GALNTL6: variants seen among roughly 807,000 people sequenced by gnomAD.
The protein encoded by GALNTL6 is polypeptide N-acetylgalactosaminyltransferase-like 6.
GALNTL6 carries 46 observed loss-of-function variants against 73.7 expected under a neutral mutation model. The observed-to-expected ratio is 0.62, with a 90% confidence interval of 0.49 to 0.80. The LOEUF (loss-of-function observed/expected upper bound fraction) is 0.80. Among genes scored for constraint, GALNTL6 ranks in the 30% least tolerant of loss-of-function variants. The probability of loss-of-function intolerance (pLI) is 0.00; values close to 1 mark genes in which losing one functional copy is unlikely to be tolerated. For missense variants in GALNTL6, 604 were observed against 755.0 expected (o/e 0.80, Z 2.34); for synonymous variants, 259 against 263.7 (o/e 0.98, Z 0.17).
intron 2 of GALNTL6, among the ~76,000 whole-genome samples, chr4:172,009,606 T>G (rs1383185868): frequency 1.3e-5 from 2 of 152,132 alleles, no homozygotes; most frequent in Non-Finnish European, 2.9e-5. Flanking sequence ...ATAAATCATC[T>G]TGAATTCCGA....
intron 5 of GALNTL6, among the ~76,000 whole-genome samples, chr4:172,522,393 C>T (rs1051655732): frequency 6.6e-6 from 1 of 151,918 alleles, no homozygotes; most frequent in Non-Finnish European, 1.5e-5. Flanking sequence ...TATTTTAGGC[C>T]GGGCTTGTGG....
chr4:172,876,626 C>T lies in GALNTL6; in HGVS notation c.924-6164C>T, dbSNP rs562642271. On this transcript the variant is annotated intron_variant, in intron 7 of 12. Transcript: ENST00000506823. ...CTAGAGTGATCATCTCCTTGCATAC[C>T]AGGAGAATAGTCCTCTCTTATCCCC... Among the ~76,000 whole-genome samples the T allele has an allele frequency of 3.6e-4, 55 of 152,196 alleles. 1 individual carries two copies. The South Asian group carries it at 7.9e-3, about 22-fold the overall frequency.
At chr4:172,233,754 C>T (rs1737150665) in intron 3 of GALNTL6, among the ~76,000 whole-genome samples, 1 of 151,996 alleles carries the variant, frequency 6.6e-6, no homozygotes, top group Admixed American at 6.6e-5. Context: ...ACATTGTACT[C>T]TTCCTTAAAA....
intron 9 of GALNTL6, among the ~76,000 whole-genome samples, chr4:172,936,558 A>G (rs964244971): frequency 6.6e-6 from 1 of 152,252 alleles, no homozygotes; most frequent in Non-Finnish European, 1.5e-5. Flanking sequence ...TTAAGCTGAT[A>G]GGAAACTTTA....
chr4:172,207,085 G>A (rs138657130), intron 2 of GALNTL6, among the ~76,000 whole-genome samples: 1,959 of 151,934 alleles, frequency 0.013, 16 homozygotes, highest in Middle Eastern at 0.027. Flanking sequence ...CCAAAGTGCT[G>A]GGATTACAGG....
At chr4:172,756,441 TG>T (rs33938528) in intron 5 of GALNTL6, among the ~76,000 whole-genome samples, 54,218 of 151,866 alleles carry the variant, frequency 0.36, 10,676 homozygotes, top group African/African-American at 0.51. Flanking sequence ...GTCAGGAGTT[TG>T]AGACCAGCCT....
At chr4:171,955,884 C>T (rs1739030188) in intron 2 of GALNTL6, among the ~76,000 whole-genome samples, 1 of 152,020 alleles carries the variant, frequency 6.6e-6, no homozygotes, top group Non-Finnish European at 1.5e-5. Flanking sequence ...TGAAGCTTTT[C>T]CTTATGCAAT....
chr4:172,924,284 G>T (rs145366396), intron 8 of GALNTL6, among the ~76,000 whole-genome samples: 1 of 152,170 alleles, frequency 6.6e-6, no homozygotes, highest in Non-Finnish European at 1.5e-5. Context: ...GTTTGAACTG[G>T]CCAAAACCTT....
chr4:172,270,583 A>G (rs753761404), intron 3 of GALNTL6, among the ~76,000 whole-genome samples: 19 of 152,168 alleles, frequency 1.2e-4, no homozygotes, highest in Admixed American at 3.9e-4. Flanking sequence ...CTGCCCTGAC[A>G]GAACCTGGGA....
At chr4:172,206,834 T>TTTTTTTTG (rs1736143417) in intron 2 of GALNTL6, among the ~76,000 whole-genome samples, 1 of 123,124 alleles carries the variant, frequency 8.1e-6, no homozygotes, top group African/African-American at 2.8e-5. Context: ...TTTTTTTTTT[T>TTTTTTTTG]TGAGACGGAG....
At chr4:172,757,732 G>A (rs572662430) in intron 5 of GALNTL6, among the ~76,000 whole-genome samples, 81 of 152,272 alleles carry the variant, frequency 5.3e-4, no homozygotes, top group African/African-American at 1.9e-3. Context: ...ATTAATTCTG[G>A]TGATCTTTCC....
intron 5 of GALNTL6, among the ~76,000 whole-genome samples, chr4:172,697,049 C>T (rs955609670): frequency 1.3e-5 from 2 of 152,060 alleles, no homozygotes; most frequent in Non-Finnish European, 2.9e-5. Context: ...AATAATTCTT[C>T]AAAGATATTT....
intron 12 of GALNTL6, among the ~76,000 whole-genome samples, chr4:173,038,910 A>G (rs568476472): frequency 6.6e-6 from 1 of 152,246 alleles, no homozygotes; most frequent in Admixed American, 6.5e-5. Context: ...CCCTAAACTA[A>G]ATAATAAAAC....
At chr4:172,986,557 G>A (rs1179494310) in intron 10 of GALNTL6, among the ~76,000 whole-genome samples, 1 of 152,140 alleles carries the variant, frequency 6.6e-6, no homozygotes, top group Non-Finnish European at 1.5e-5. Flanking sequence ...ACACAAAAGA[G>A]AAAATTTAAA....
At chr4:172,214,766 G>A (rs867113979) in intron 2 of GALNTL6, among the ~76,000 whole-genome samples, 1 of 151,960 alleles carries the variant, frequency 6.6e-6, no homozygotes, top group South Asian at 2.1e-4. Context: ...GCCTGCCTTG[G>A]CCTCTCAAAG....
chr4:172,396,941 A>G (rs987504846), intron 5 of GALNTL6, among the ~76,000 whole-genome samples: 7 of 152,208 alleles, frequency 4.6e-5, no homozygotes, highest in African/African-American at 1.7e-4. Flanking sequence ...TAAAAATAAT[A>G]TATAATCTGT....
intron 5 of GALNTL6, among the ~76,000 whole-genome samples, chr4:172,711,921 A>G (rs1734730697): frequency 6.6e-6 from 1 of 152,222 alleles, no homozygotes; most frequent in Non-Finnish European, 1.5e-5. Flanking sequence ...GCAAAGGGGC[A>G]GGAGCAAGAG....
Position 172,050,654 on chromosome 4 carries a change from C to T in GALNTL6, c.139-179002C>T, listed in dbSNP as rs560776499. On this transcript the variant is annotated intron_variant, in intron 2 of 12. Coordinates refer to ENST00000506823, the MANE Select transcript of GALNTL6 (RefSeq NM_001034845.3). ...AGGTTTCAGCAAAACAATTCAGGGA[C>T]GTTAGTTATCTTTAGTTTCTAACTT... 4.6e-5 allele frequency among the ~76,000 whole-genome samples: 7 copies of T among 152,230 alleles called. No individual in the cohort carries two copies. The South Asian group carries it at 8.3e-4, about 18-fold the overall frequency.
rs4479668 is a variant in GALNTL6 at position 172,156,346 on chromosome 4, G to A, written c.139-73310G>A. On this transcript the variant is annotated intron_variant, in intron 2 of 12. Transcript: ENST00000506823. ...CATTCCCTTAAGCTTTCAGGCCCCG[G>A]GGGAGAATCTTTCACCTTTGAAATG... is the stretch of plus-strand genomic sequence containing the variant. Among the ~76,000 whole-genome samples, 784 of 151,420 alleles carry A rather than the reference G, an allele frequency of 5.2e-3. 10 individuals carry two copies. The highest frequency in any genetic ancestry group is 0.018 in the African/African-American group (746 of 41,144).
Sources: allele counts gnomAD v4.1 joint callset (sites outside exome capture counted in the v4.1 genomes callset), GRCh38; gene constraint gnomAD v4.1.1; transcripts MANE v1.5; gene names NCBI Gene and HGNC (gene_info 2026-07-23, HGNC 2026-07-21).